The following ADGRF5 variants were observed in gnomAD, a reference collection of about 807,000 sequenced individuals.
The protein encoded by ADGRF5 is adhesion G protein-coupled receptor F5, also known as G-protein coupled receptor 116.
In ADGRF5, 75 loss-of-function variants were observed where a neutral mutation model predicts 132.3. The observed-to-expected ratio is 0.57, with a 90% confidence interval of 0.47 to 0.69. The LOEUF (loss-of-function observed/expected upper bound fraction) is 0.69, where lower values mean the gene tolerates loss of function less well. Among genes scored for constraint, ADGRF5 ranks in the 30% least tolerant of loss-of-function variants. The pLI is 0.00. For missense variants in ADGRF5, 1,516 were observed against 1,630.6 expected (o/e 0.93, Z 1.21); for synonymous variants, 629 against 597.6 (o/e 1.05, Z -0.77).
At chr6:46,938,210 T>C (rs908114598) in intron 1 of ADGRF5, among the ~76,000 whole-genome samples, 2 of 152,196 alleles carry the variant, frequency 1.3e-5, no homozygotes, top group Non-Finnish European at 2.9e-5. Flanking sequence ...GCTAGAAGAA[T>C]AACATTCCAG....
chr6:46,854,099 T>C (rs888111419), intron 20 of ADGRF5, 28 bp from the exon 21 acceptor site: 15 of 1,527,690 alleles, frequency 9.8e-6, no homozygotes, highest in African/African-American at 1.4e-5. Flanking sequence ...AACTCAGCCT[T>C]GAAGACAAGC....
intron 1 of ADGRF5, among the ~76,000 whole-genome samples, chr6:46,935,918 G>A (rs905801760): frequency 2.6e-5 from 4 of 152,186 alleles, no homozygotes; most frequent in Non-Finnish European, 5.9e-5. Flanking sequence ...GGGTGAAGGC[G>A]TCCTCCGGAA....
rs530431794 is a variant in ADGRF5, at chr6:46,889,920, C to T, written c.158-1415G>A. 1.6e-4 allele frequency among the ~76,000 whole-genome samples: 25 copies of T among 151,946 alleles called. No individual in the cohort carries two copies. The East Asian group carries it at 4.3e-3, about 26-fold the overall frequency. ...CTTACTTACTCCATCTGGCAAAGAG[C>T]TCACCACATTATAAATAAATGACGA... is the stretch of plus-strand genomic sequence containing the variant. On this transcript the variant is annotated intron_variant, in intron 3 of 20. Transcript: ENST00000283296.
At chr6:46,879,793 C>T (rs1297503260) in intron 9 of ADGRF5, 25 bp downstream of exon 9, 2 of 1,456,068 alleles carry the variant, frequency 1.4e-6, no homozygotes, top group South Asian at 2.3e-5. Flanking sequence ...CCATTCCTCA[C>T]ACAAGTTACT....
Position 46,869,190 on chromosome 6 carries a change from G to A in ADGRF5, c.1412-98C>T, listed in dbSNP as rs1581768925. The A allele has an allele frequency of 7.5e-5, 113 of 1,510,094 alleles. No homozygotes were observed. In the Admixed American group the frequency reaches 1.2e-3, roughly 17 times the overall value. 93.5% of individuals were successfully genotyped at this position (1,510,094 alleles called of 1,614,324 possible). On this transcript the variant is annotated intron_variant, in intron 11 of 20. Transcript: ENST00000283296. ...ACATATGACTGAAACTTCAGAGAGG[G>A]ACAGAAAAAAAAAATGAACCATCCT...
chr6:46,934,398 C>A (rs1446343624), intron 1 of ADGRF5, among the ~76,000 whole-genome samples: 6 of 152,142 alleles, frequency 3.9e-5, no homozygotes, highest in Admixed American at 3.9e-4. Flanking sequence ...TTGACTAATT[C>A]TTTTGATTTA....
At chr6:46,949,431 T>A (rs1778415464) in intron 1 of ADGRF5, among the ~76,000 whole-genome samples, 1 of 152,200 alleles carries the variant, frequency 6.6e-6, no homozygotes, top group Non-Finnish European at 1.5e-5. Flanking sequence ...TCTAAAAGTT[T>A]CCAGATCCCT....
chr6:46,853,280 C>G lies in ADGRF5; in HGVS notation c.*712G>C, dbSNP rs1197499311. 6.6e-6 allele frequency: 1 copy of G among 152,052 alleles called. No individual in the cohort carries two copies. Among genetic ancestry groups the G allele is most frequent in the Non-Finnish European group, 1.5e-5 (1 of 68,018 alleles). The allele number at this position is 152,052 out of a possible 1,614,324, so 9.4% of individuals were successfully genotyped here. A position where few individuals can be genotyped will look rare whatever the true frequency, so the allele number is the denominator to read the frequency against. ...ATAAATATTGTTATCCACTTGAAGT[C>G]GTTCTGATGAAGGAATTTCCTCCCT... On this transcript the variant is annotated 3_prime_UTR_variant, in exon 21 of 21. Transcript: ENST00000283296.
chr6:46,910,905 A>G (rs1288514569), intron 1 of ADGRF5, among the ~76,000 whole-genome samples: 1 of 152,190 alleles, frequency 6.6e-6, no homozygotes, highest in East Asian at 1.9e-4. Flanking sequence ...GGGATGCAGG[A>G]GTTGGTCTCT....
At chr6:46,876,616 T>A (rs1388579548) in intron 10 of ADGRF5, among the ~76,000 whole-genome samples, 3 of 152,200 alleles carry the variant, frequency 2.0e-5, no homozygotes, top group Admixed American at 2.0e-4. Flanking sequence ...GTTGTTGTTG[T>A]TGTTTGAGAC....
chr6:46,888,082 A>C, intron 4 of ADGRF5: 1 of 377,022 alleles, frequency 2.7e-6, no homozygotes, highest in East Asian at 4.6e-5. Flanking sequence ...TCTTGGGATC[A>C]CTTTATGACA....
At chr6:46,950,821 GT>G (rs1400470321) in intron 1 of ADGRF5, among the ~76,000 whole-genome samples, 3 of 152,104 alleles carry the variant, frequency 2.0e-5, no homozygotes. Context: ...CTGACTTGGT[GT>G]TTTTTTAAAG....
chr6:46,913,350 T>C (rs1776134230), intron 1 of ADGRF5, among the ~76,000 whole-genome samples: 2 of 152,024 alleles, frequency 1.3e-5, no homozygotes, highest in African/African-American at 4.8e-5. Flanking sequence ...AATACAAAAA[T>C]CAGCCAGGCA....
Position 46,908,048 on chromosome 6 carries a change from G to A in ADGRF5, c.-24-1262C>T, listed in dbSNP as rs118168544. 7.9e-5 allele frequency: 12 copies of A among 152,326 alleles called. No individual in the cohort carries two copies. In the East Asian group the frequency reaches 2.3e-3, roughly 29 times the overall value. The allele number at this position is 152,326 out of a possible 1,614,324, so 9.4% of individuals were successfully genotyped here. A position where few individuals can be genotyped will look rare whatever the true frequency, so the allele number is the denominator to read the frequency against. On this transcript the variant is annotated intron_variant, in intron 1 of 20. Coordinates refer to ENST00000283296, the MANE Select transcript of ADGRF5 (RefSeq NM_001098518.2). The stretch of plus-strand genomic sequence containing the variant: ...GGCCAGGATAACACACTGATGATAG[G>A]CAAGATTTACATGCCAGGGAAAATT...
chr6:46,911,097 C>T (rs1475199942), intron 1 of ADGRF5, among the ~76,000 whole-genome samples: 1 of 152,178 alleles, frequency 6.6e-6, no homozygotes, highest in African/African-American at 2.4e-5. Flanking sequence ...CAATGGCTTC[C>T]CTTCTTTACT....
chr6:46,867,879 T>A (rs986537181), intron 12 of ADGRF5, among the ~76,000 whole-genome samples: 4 of 152,138 alleles, frequency 2.6e-5, no homozygotes, highest in Non-Finnish European at 5.9e-5. Flanking sequence ...AATAACTGAT[T>A]ATGGGACTGT....
Position 46,881,484 on chromosome 6 carries a change from T to C in ADGRF5, c.785A>G (p.Asp262Gly), listed in dbSNP as rs1158804658. The C allele has an allele frequency of 3.1e-6, 5 of 1,613,446 alleles. No individual in the cohort carries two copies. Among genetic ancestry groups the C allele is most frequent in the East Asian group, 2.2e-5 (1 of 44,894 alleles). Residue 262 changes from aspartate (D) to glycine (G), a missense_variant, in exon 8 of 21, where the codon GAC (aspartate) becomes GGC (glycine). This residue lies in a region of ADGRF5 where 945 missense variants were observed against 929.4 expected (regional missense o/e 1.02). Coordinates refer to ENST00000283296, the MANE Select transcript of ADGRF5 (RefSeq NM_001098518.2). Reference sequence around the variant, plus strand: ...AGTAACTGCTTGAAAGGAGTTGTAGTCCATTTTGTAGGTCTGATTGAGGCT... The same window carrying C: ...AGTAACTGCTTGAAAGGAGTTGTAGCCCATTTTGTAGGTCTGATTGAGGCT... ...VQSLNQTYKMDYNSFQAVTIN... is the reference protein window; with the variant it reads ...VQSLNQTYKMGYNSFQAVTIN...
chr6:46,936,968 T>C (rs976072102), intron 1 of ADGRF5, among the ~76,000 whole-genome samples: 1 of 152,222 alleles, frequency 6.6e-6, no homozygotes, highest in Non-Finnish European at 1.5e-5. Flanking sequence ...CAGGTTCCTC[T>C]GACACCTCTC....
intron 13 of ADGRF5, among the ~76,000 whole-genome samples, chr6:46,866,024 A>G (rs1273187723): frequency 6.6e-6 from 1 of 152,132 alleles, no homozygotes; most frequent in Non-Finnish European, 1.5e-5. Context: ...TTGTGAGATC[A>G]TGCTGGTTGA....
Sources: allele counts gnomAD v4.1 joint callset (sites outside exome capture counted in the v4.1 genomes callset), GRCh38; gene constraint gnomAD v4.1.1; regional missense constraint gnomAD v4.1.1; transcripts MANE v1.5; gene names NCBI Gene and HGNC (gene_info 2026-07-23, HGNC 2026-07-21).